The following FAF1 variants were observed in gnomAD, a reference collection of about 807,000 sequenced individuals.
The protein encoded by FAF1 is FAS-associated factor 1.
Under a neutral mutation model 92.5 loss-of-function variants are expected in FAF1, and 25 were observed. That is an observed-to-expected ratio of 0.27 (90% CI 0.20 to 0.38). The LOEUF (loss-of-function observed/expected upper bound fraction) is 0.38, where lower values mean the gene tolerates loss of function less well. Ranked by LOEUF, FAF1 falls within the 10% of genes least tolerant of loss-of-function variation. The pLI, the probability that FAF1 is intolerant of heterozygous loss-of-function variation, is 1.00. For missense variants in FAF1, 636 were observed against 793.3 expected, an observed-to-expected ratio of 0.80 and a Z score of 2.38; for synonymous variants, 234 against 273.2, an observed-to-expected ratio of 0.86 and a Z score of 1.42.
chr1:50,929,766 G>C (rs532744211), intron 1 of FAF1, among the ~76,000 whole-genome samples: 1 of 152,294 alleles, frequency 6.6e-6, no homozygotes, highest in South Asian at 2.1e-4. Context: ...AATTATTCAG[G>C]TAACAAAGTA....
chr1:50,682,515 T>C (rs1176144822), intron 7 of FAF1, among the ~76,000 whole-genome samples: 1 of 152,174 alleles, frequency 6.6e-6, no homozygotes, highest in Non-Finnish European at 1.5e-5. Context: ...TGTCGTCTTA[T>C]GTTACTTTCT....
intron 15 of FAF1, among the ~76,000 whole-genome samples, chr1:50,530,238 GGTGTGTGTGTGTGTGT>G (rs72220248): frequency 7.1e-6 from 1 of 141,590 alleles, no homozygotes; most frequent in South Asian, 2.4e-4. Context: ...TTTAAGAAGT[GGTGTGTGTGTGTGTGT>G]GTGTGTGTGT....
In FAF1 at chr1:50,787,988, GA is replaced by G; in HGVS notation, c.367+11del. 1.2e-6 allele frequency: 2 copies of G among 1,607,276 alleles called. No homozygotes were observed. The highest frequency in any genetic ancestry group is 1.7e-6 in the Non-Finnish European group (2 of 1,173,950). On this transcript the variant is annotated intron_variant, in intron 4 of 18. Coordinates refer to ENST00000396153, the MANE Select transcript of FAF1 (RefSeq NM_007051.3). Reference sequence around the variant, plus strand: ...TTTATTTGTGAAGGCTTTATGGCAGGAAAAACCTTACCAACAGTACAGGTGT... The same window carrying G: ...TTTATTTGTGAAGGCTTTATGGCAGGAAAACCTTACCAACAGTACAGGTGT...
At chr1:50,480,334 A>G (rs995510681) in intron 17 of FAF1, among the ~76,000 whole-genome samples, 7 of 152,358 alleles carry the variant, frequency 4.6e-5, no homozygotes, top group Middle Eastern at 6.8e-3. Context: ...TAAGAATCAA[A>G]GACTGCCTTA....
rs117778880 is a variant in FAF1 at position 50,495,712 on chromosome 1, T to G, written c.1495-3911A>C. Among the ~76,000 whole-genome samples, 699 of 152,330 alleles carry G rather than the reference T, an allele frequency of 4.6e-3. 18 individuals carry two copies. In the East Asian group the frequency reaches 0.084, roughly 18 times the overall value. Reference sequence around the variant, plus strand: ...CTGTTCTCCATGGTGATTGTACTAATTTACATTCCCAATAACAGTGTACAA... The same window carrying G: ...CTGTTCTCCATGGTGATTGTACTAAGTTACATTCCCAATAACAGTGTACAA... On this transcript the variant is annotated intron_variant, in intron 15 of 18. Coordinates refer to ENST00000396153, the MANE Select transcript of FAF1 (RefSeq NM_007051.3).
chr1:50,687,457 T>C (rs920361780), intron 7 of FAF1, among the ~76,000 whole-genome samples: 2 of 151,846 alleles, frequency 1.3e-5, no homozygotes, highest in Non-Finnish European at 1.5e-5. Context: ...CATGAAATGA[T>C]GCTCAAAACT....
chr1:50,678,959 C>T (rs1004647682), intron 7 of FAF1, among the ~76,000 whole-genome samples: 5 of 147,274 alleles, frequency 3.4e-5, no homozygotes, highest in East Asian at 2.0e-4. Context: ...TGGTGGCAGG[C>T]GCCTGTAGTC....
Position 50,906,879 on chromosome 1 carries a change from C to G in FAF1, c.46-48882G>C, listed in dbSNP as rs185716902. Among the ~76,000 whole-genome samples, 76 of 152,302 alleles carry G rather than the reference C, an allele frequency of 5.0e-4. 1 individual carries two copies. In the East Asian group the frequency reaches 0.012, roughly 23 times the overall value. The stretch of plus-strand genomic sequence containing the variant: ...AATTGAATCCCCTTTCTTTATTTCT[C>G]CTGCCTGGTTGCCCTGGCCAGAACT... On this transcript the variant is annotated intron_variant, in intron 1 of 18. Transcript: ENST00000396153.
In FAF1 at chr1:50,729,061, T is replaced by A. The variant is rs867667781; in HGVS notation, c.551+9802A>T. Among the ~76,000 whole-genome samples, 1,223 of 140,854 alleles carry A rather than the reference T, an allele frequency of 8.7e-3. 6 individuals are homozygous for A. The highest frequency in any genetic ancestry group is 0.013 in the Non-Finnish European group (860 of 64,502). 92.4% of individuals were successfully genotyped at this position (140,854 alleles called of 152,430 possible). ...ATATATATATATATATATATATATT[T>A]TTTTTTTTTTTGAGGCAGAGTTTCG... On this transcript the variant is annotated intron_variant, in intron 6 of 18. Transcript: ENST00000396153.
chr1:50,593,508 T>C (rs1279830425), intron 9 of FAF1, among the ~76,000 whole-genome samples: 2 of 152,228 alleles, frequency 1.3e-5, no homozygotes, highest in Admixed American at 1.3e-4. Context: ...TCAAGCACTT[T>C]AAAGAAATAT....
intron 12 of FAF1, among the ~76,000 whole-genome samples, chr1:50,574,846 A>G (rs563241438): frequency 3.1e-4 from 46 of 148,236 alleles, no homozygotes; most frequent in African/African-American, 1.1e-3. Context: ...TAAGTAGAAT[A>G]TTATATATCA....
chr1:50,519,053 C>T (rs1647349396), intron 15 of FAF1, among the ~76,000 whole-genome samples: 1 of 152,008 alleles, frequency 6.6e-6, no homozygotes, highest in South Asian at 2.1e-4. Flanking sequence ...TTTTCACGGC[C>T]AGGCACGGTG....
intron 12 of FAF1, among the ~76,000 whole-genome samples, chr1:50,572,171 A>G (rs757263926): frequency 3.7e-4 from 57 of 152,194 alleles, no homozygotes; most frequent in Non-Finnish European, 7.5e-4. Context: ...AATGGATACA[A>G]TGATACAATA....
rs74080074 is a variant in FAF1, at chr1:50,766,808, A to T, written c.367+21192T>A. Among the ~76,000 whole-genome samples the T allele has an allele frequency of 7.2e-3, 1,091 of 151,286 alleles. 12 individuals are homozygous for T. The highest frequency in any genetic ancestry group is 0.025 in the African/African-American group (1,051 of 41,222). On this transcript the variant is annotated intron_variant, in intron 4 of 18. Transcript: ENST00000396153. ...CAAGCAAGCAAAAAAAAAAAAAAAA[A>T]AAAACCACACATCCAAAAGACAGCA...
intron 18 of FAF1, among the ~76,000 whole-genome samples, chr1:50,442,214 G>C (rs754479478): frequency 6.6e-6 from 1 of 152,152 alleles, no homozygotes; most frequent in Non-Finnish European, 1.5e-5. Context: ...GCAACGGGCA[G>C]GGATGGGACA....
chr1:50,874,920 C>A (rs1197221370), intron 1 of FAF1, among the ~76,000 whole-genome samples: 1 of 151,404 alleles, frequency 6.6e-6, no homozygotes, highest in African/African-American at 2.4e-5. Flanking sequence ...CAGCCATGGA[C>A]CACCATGCCC....
At chr1:50,564,668 G>GGA (rs1450270995) in intron 13 of FAF1, among the ~76,000 whole-genome samples, 1 of 152,112 alleles carries the variant, frequency 6.6e-6, no homozygotes, top group Non-Finnish European at 1.5e-5. Context: ...TAAATGTGGT[G>GGA]TAAAAATCCA....
At position 50,475,451 on chromosome 1, in the gene FAF1, T is replaced by C; in HGVS notation, c.1869+13A>G. The C allele has an allele frequency of 1.9e-6, 3 of 1,592,268 alleles. No homozygotes were observed. Among genetic ancestry groups the C allele is most frequent in the Non-Finnish European group, 2.6e-6 (3 of 1,161,256 alleles). ...ACCTGGATATACTTCCTGAGATAGG[T>C]ATGGGAACTTACGTCTCTCCTAGGA... On this transcript the variant is annotated intron_variant, in intron 18 of 18. Coordinates refer to ENST00000396153, the MANE Select transcript of FAF1 (RefSeq NM_007051.3).
chr1:50,552,241 G>T (rs1649341564), intron 13 of FAF1, among the ~76,000 whole-genome samples: 1 of 150,882 alleles, frequency 6.6e-6, no homozygotes, highest in Non-Finnish European at 1.5e-5. Flanking sequence ...AGGTTGCAGT[G>T]AGCTGAGATT....
Sources: allele counts gnomAD v4.1 joint callset (sites outside exome capture counted in the v4.1 genomes callset), GRCh38; gene constraint gnomAD v4.1.1; transcripts MANE v1.5; gene names NCBI Gene and HGNC (gene_info 2026-07-23, HGNC 2026-07-21).